The following RPF1 variants were observed in gnomAD, a reference collection of about 807,000 sequenced individuals.
The protein encoded by RPF1 is ribosome production factor 1.
RPF1 carries 34 observed loss-of-function variants against 41.9 expected under a neutral mutation model. That is an observed-to-expected ratio of 0.81 (90% confidence interval 0.62 to 1.08). The LOEUF (loss-of-function observed/expected upper bound fraction) is 1.08. RPF1 is among the 50% of genes least tolerant of loss of function. RPF1 has a pLI of 0.00. For synonymous variants in RPF1, 140 were observed against 148.9 expected (o/e 0.94, Z 0.43); for missense variants, 425 against 435.2 (o/e 0.98, Z 0.21).
chr1:84,481,060 C>A, intron 2 of RPF1, 48 bp downstream of exon 2: 3 of 1,035,670 alleles, frequency 2.9e-6, no homozygotes, highest in Non-Finnish European at 4.4e-6. Context: ...ATTAGGGAAT[C>A]CCTCCTGATA....
intron 3 of RPF1, 60 bp downstream of exon 3, chr1:84,483,055 T>A (rs576630002): frequency 1.5e-5 from 17 of 1,118,680 alleles, no homozygotes; most frequent in Admixed American, 8.9e-5. Flanking sequence ...AATTATATGT[T>A]TTTTTGTTGA....
At position 84,488,288 on chromosome 1, in the gene RPF1, G is replaced by A. The variant is rs573568279; in HGVS notation, c.367-1345G>A. On this transcript the variant is annotated intron_variant, in intron 3 of 8. Transcript: ENST00000370654. Reference sequence around the variant, plus strand: ...TAGTGAAATGTATTTCATGTATTTCGTAATTCTCTTCATGGAAGTTGACAC... The same window carrying A: ...TAGTGAAATGTATTTCATGTATTTCATAATTCTCTTCATGGAAGTTGACAC... Among the ~76,000 whole-genome samples the A allele has an allele frequency of 1.8e-3, 275 of 152,024 alleles. 1 individual carries two copies. The highest frequency in any genetic ancestry group is 7.9e-3 in the South Asian group (38 of 4,814).
intron 5 of RPF1, 37 bp downstream of exon 5, chr1:84,490,509 C>T: frequency 1.5e-6 from 2 of 1,365,740 alleles, no homozygotes; most frequent in Non-Finnish European, 2.0e-6. Context: ...TTCCTGTCCT[C>T]TCCCTCACCC....
intron 5 of RPF1, 101 bp downstream of exon 5, chr1:84,490,573 A>G: frequency 3.5e-6 from 3 of 862,972 alleles, no homozygotes; most frequent in South Asian, 2.4e-5. Flanking sequence ...ACTTTCAGAA[A>G]ATAATTTTTT....
intron 4 of RPF1, 61 bp from the exon 5 acceptor site, chr1:84,490,258 C>A: frequency 9.2e-7 from 1 of 1,087,096 alleles, no homozygotes. Flanking sequence ...GAATATGTAC[C>A]ACATAAGATT....
intron 2 of RPF1, 63 bp downstream of exon 2, chr1:84,481,075 A>G: frequency 1.2e-6 from 1 of 864,202 alleles, no homozygotes; most frequent in South Asian, 1.6e-5. Context: ...CTGATATTTA[A>G]GTTGAATTAC....
chr1:84,492,474 CATT>C (rs1170612659), intron 5 of RPF1, among the ~76,000 whole-genome samples: 2 of 152,114 alleles, frequency 1.3e-5, no homozygotes, highest in Non-Finnish European at 2.9e-5. Flanking sequence ...ATACAGATTC[CATT>C]ATTTTCTAGT....
intron 5 of RPF1, among the ~76,000 whole-genome samples, 187 bp downstream of exon 5, chr1:84,490,659 A>G (rs1478148693): frequency 6.6e-6 from 1 of 152,234 alleles, no homozygotes; most frequent in Non-Finnish European, 1.5e-5. Flanking sequence ...TTTATCAGGC[A>G]CATGCTACAG....
rs1031679728 is a variant in RPF1, at chr1:84,479,346, C to T, written c.65C>T (p.Ala22Val). 4 of 1,612,910 alleles carry T rather than the reference C, an allele frequency of 2.5e-6. No homozygotes were observed. The African/African-American group carries it at 5.3e-5, about 22-fold the overall frequency. ...AAAAGTCTAAAACGGAAAGCCGCTG[C>T]CGAAGAACTTCAGGAGGCTGCAGGC... ...GKKSLKRKAA[A>V]EELQEAAGAG... Residue 22 changes from alanine (A) to valine (V), a missense_variant, in exon 1 of 9, where the codon GCC (alanine) becomes GTC (valine). Coordinates refer to ENST00000370654, the MANE Select transcript of RPF1 (RefSeq NM_025065.7).
intron 5 of RPF1, among the ~76,000 whole-genome samples, chr1:84,491,404 CTA>C (rs1403205041): frequency 3.9e-5 from 6 of 152,108 alleles, no homozygotes; most frequent in Non-Finnish European, 7.4e-5. Flanking sequence ...AGTGAACACT[CTA>C]TTAGTGGTTT....
intron 2 of RPF1, among the ~76,000 whole-genome samples, chr1:84,482,233 C>A (rs138456849): frequency 1.3e-5 from 2 of 152,148 alleles, no homozygotes; most frequent in Admixed American, 6.5e-5. Context: ...TGTACTCTTA[C>A]AATTCTGTGT....
chr1:84,497,312 T>A lies in RPF1; in HGVS notation c.1009-117T>A, dbSNP rs1452242660. On this transcript the variant is annotated intron_variant, in intron 8 of 8. Coordinates refer to ENST00000370654, the MANE Select transcript of RPF1 (RefSeq NM_025065.7). ...CGGGGTCTCGCACAAACCCGGTTTTTCAGCACTAGTGTTACTTATGAAGAT... is the reference window on the plus strand; with the variant it reads ...CGGGGTCTCGCACAAACCCGGTTTTACAGCACTAGTGTTACTTATGAAGAT... 3 of 750,698 alleles carry A rather than the reference T, an allele frequency of 4.0e-6. No individual in the cohort carries two copies. In the South Asian group the frequency reaches 5.6e-5, roughly 14 times the overall value. The allele number at this position is 750,698 out of a possible 1,614,324, so 46.5% of individuals were successfully genotyped here.
intron 6 of RPF1, among the ~76,000 whole-genome samples, 169 bp downstream of exon 6, chr1:84,495,624 G>A (rs549156373): frequency 3.3e-5 from 5 of 152,286 alleles, no homozygotes; most frequent in African/African-American, 1.2e-4. Flanking sequence ...TTAAGTTACA[G>A]CCGGCAGGCA....
intron 5 of RPF1, among the ~76,000 whole-genome samples, chr1:84,491,027 A>G (rs933022814): frequency 2.6e-5 from 4 of 151,010 alleles, no homozygotes; most frequent in African/African-American, 4.9e-5. Flanking sequence ...TAGATTTTAC[A>G]TTGCCAGAGG....
chr1:84,496,285 T>C lies in RPF1; in HGVS notation c.923T>C (p.Leu308Pro). The C allele has an allele frequency of 6.2e-7, 1 of 1,613,568 alleles. No individual in the cohort carries two copies. Among genetic ancestry groups the C allele is most frequent in the South Asian group, 1.1e-5 (1 of 91,036 alleles). The change falls in exon 8 of 9, where the codon CTT (leucine) becomes CCT (proline). Residue 308 changes from leucine to proline, a missense_variant. Coordinates refer to ENST00000370654, the MANE Select transcript of RPF1 (RefSeq NM_025065.7). ...RSEKKVGIQE[L>P]GPRFTLKLRS... ...GAAAAGAAAGTGGGAATTCAGGAACTTGGACCACGTTTTACCTTAAAATTA... is the reference window on the plus strand; with the variant it reads ...GAAAAGAAAGTGGGAATTCAGGAACCTGGACCACGTTTTACCTTAAAATTA...
At chr1:84,479,585 G>A in intron 1 of RPF1, 76 bp downstream of exon 1, 5 of 1,372,372 alleles carry the variant, frequency 3.6e-6, no homozygotes, top group Non-Finnish European at 5.1e-6. Context: ...GCGCACATCT[G>A]TGGTTGTCTG....
Position 84,480,975 on chromosome 1 carries a change from AAAAACTT to A in RPF1, c.253_259del (p.Leu85LysfsTer30). The stretch of plus-strand genomic sequence containing the variant: ...CTTTAGGAAAAGTTGGCAGCTAAGA[AAAAACTT>A]AAAAAAGAAAGAGAGGCTCTTGGCG... On this transcript the variant is annotated frameshift_variant, in exon 2 of 9. Coordinates refer to ENST00000370654, the MANE Select transcript of RPF1 (RefSeq NM_025065.7). LOFTEE classifies it high-confidence loss of function. The A allele has an allele frequency of 6.3e-7, 1 of 1,593,250 alleles. No homozygotes were observed. Among genetic ancestry groups the A allele is most frequent in the Non-Finnish European group, 8.6e-7 (1 of 1,164,662 alleles).
Position 84,480,945 on chromosome 1 carries a change from TAACCC to T in RPF1, c.229-10_229-6del, listed in dbSNP as rs1570343471. On this transcript the variant is annotated splice_region_variant and splice_polypyrimidine_tract_variant and intron_variant, in intron 1 of 8. Transcript: ENST00000370654. Reference sequence around the variant, plus strand: ...TTCTCAGTATTGTTCTCTTTTTTTTTAACCCTTTAGGAAAAGTTGGCAGCTAAGAA... The same window carrying T: ...TTCTCAGTATTGTTCTCTTTTTTTTTTTTAGGAAAAGTTGGCAGCTAAGAA... The T allele has an allele frequency of 1.4e-6, 2 of 1,473,576 alleles. No homozygotes were observed. The highest frequency in any genetic ancestry group is 1.9e-6 in the Non-Finnish European group (2 of 1,057,976). 91.3% of individuals were successfully genotyped at this position (1,473,576 alleles called of 1,614,324 possible).
intron 5 of RPF1, among the ~76,000 whole-genome samples, chr1:84,492,171 A>G (rs1201763060): frequency 6.9e-6 from 1 of 145,338 alleles, no homozygotes; most frequent in Non-Finnish European, 1.5e-5. Context: ...AAAAAAAAAA[A>G]TGGTGATTAT....
Sources: gnomAD v4.1 joint callset for allele counts (sites outside exome capture counted in the v4.1 genomes callset) on GRCh38, gnomAD v4.1.1 for gene constraint, MANE v1.5 for transcripts, NCBI Gene and HGNC (gene_info 2026-07-23, HGNC 2026-07-21) for gene names.